Variants in TRPC4 observed in about 807,000 individuals in gnomAD.
TRPC4 encodes the protein short transient receptor potential channel 4.
Under a neutral mutation model 99.4 loss-of-function variants are expected in TRPC4, and 49 were observed. The observed-to-expected ratio is 0.49, with a 90% confidence interval of 0.39 to 0.63. The LOEUF is 0.63. Ranked by LOEUF, TRPC4 falls within the 20% of genes least tolerant of loss-of-function variation. The pLI is 0.00. For missense variants in TRPC4, 898 were observed against 1,152.9 expected, an observed-to-expected ratio of 0.78 and a Z score of 3.20; for synonymous variants, 454 against 425.9, an observed-to-expected ratio of 1.07 and a Z score of -0.81.
intron 2 of TRPC4, among the ~76,000 whole-genome samples, chr13:37,767,135 C>T (rs1184757264): frequency 6.6e-6 from 1 of 151,156 alleles, no homozygotes; most frequent in African/African-American, 2.4e-5. Context: ...TTTAAACTGC[C>T]AGTGTATTTA....
chr13:37,639,405 G>A, intron 8 of TRPC4, 106 bp from the exon 9 acceptor site: 2 of 1,266,044 alleles, frequency 1.6e-6, no homozygotes, highest in South Asian at 1.5e-5. Flanking sequence ...TTTCTTCAAA[G>A]TGGGAGTTTT....
intron 2 of TRPC4, among the ~76,000 whole-genome samples, chr13:37,751,233 C>A (rs1222348261): frequency 5.3e-5 from 8 of 152,106 alleles, no homozygotes; most frequent in African/African-American, 1.9e-4. Flanking sequence ...TCCGGAGCTC[C>A]TGTTTACAGT....
chr13:37,798,587 T>C (rs1957314607), intron 1 of TRPC4, among the ~76,000 whole-genome samples: 2 of 152,288 alleles, frequency 1.3e-5, no homozygotes, highest in East Asian at 1.9e-4. Context: ...TGATGGAACA[T>C]TTAGATGAAA....
chr13:37,821,214 A>ACT (rs1288151860), intron 1 of TRPC4, among the ~76,000 whole-genome samples: 2 of 151,510 alleles, frequency 1.3e-5, no homozygotes, highest in Admixed American at 1.3e-4. Context: ...ACACACACAC[A>ACT]CACACACACA....
chr13:37,794,507 G>C (rs1037512265), intron 1 of TRPC4, among the ~76,000 whole-genome samples: 1 of 152,016 alleles, frequency 6.6e-6, no homozygotes, highest in Non-Finnish European at 1.5e-5. Context: ...CCCTGTTACC[G>C]GCAGTATTCA....
Position 37,636,733 on chromosome 13 carries a change from G to A in TRPC4, c.*170C>T. 1.2e-6 allele frequency: 1 copy of A among 843,610 alleles called. No individual in the cohort carries two copies. The highest frequency in any genetic ancestry group is 1.7e-6 in the Non-Finnish European group (1 of 605,074). The allele number at this position is 843,610 out of a possible 1,614,324, so 52.3% of individuals were successfully genotyped here. A position where few individuals can be genotyped will look rare whatever the true frequency, so the allele number is the denominator to read the frequency against. The stretch of plus-strand genomic sequence containing the variant: ...GCAAAAGCAGGCTACAAAACAAAAA[G>A]GTTTTTGATTGCCTTTGCCTTATTT... On this transcript the variant is annotated 3_prime_UTR_variant, in exon 11 of 11. Coordinates refer to ENST00000379705, the MANE Select transcript of TRPC4 (RefSeq NM_016179.4).
intron 1 of TRPC4, among the ~76,000 whole-genome samples, chr13:37,865,949 G>A (rs1185802886): frequency 1.3e-5 from 2 of 151,696 alleles, no homozygotes; most frequent in African/African-American, 2.4e-5. Context: ...ATAGTGCCAA[G>A]TGTACATTAA....
In TRPC4 at chr13:37,697,059, TG is replaced by T. The variant is rs1251038386; in HGVS notation, c.898-4725del. ...CATTAAACAATTCTTCTGGCCCCTC[TG>T]AGCATAGTCATATCACATGATTAAT... On this transcript the variant is annotated intron_variant, in intron 3 of 10. Coordinates refer to ENST00000379705, the MANE Select transcript of TRPC4 (RefSeq NM_016179.4). 2.0e-5 allele frequency among the ~76,000 whole-genome samples: 3 copies of T among 152,244 alleles called. No individual in the cohort carries two copies. In the East Asian group the frequency reaches 5.8e-4, roughly 29 times the overall value.
intron 2 of TRPC4, among the ~76,000 whole-genome samples, chr13:37,772,893 A>G (rs1167894481): frequency 6.6e-6 from 1 of 151,556 alleles, no homozygotes; most frequent in Non-Finnish European, 1.5e-5. Flanking sequence ...TTGACATTAA[A>G]TCTCCTACAC....
intron 2 of TRPC4, among the ~76,000 whole-genome samples, chr13:37,765,873 G>GT (rs981159409): frequency 6.6e-6 from 1 of 151,134 alleles, no homozygotes; most frequent in East Asian, 2.0e-4. Flanking sequence ...TATATTTGAT[G>GT]TTTTTTTAAA....
At chr13:37,743,026 C>A (rs1955637898) in intron 3 of TRPC4, among the ~76,000 whole-genome samples, 1 of 152,020 alleles carries the variant, frequency 6.6e-6, no homozygotes, top group Non-Finnish European at 1.5e-5. Context: ...TCCAGAACAA[C>A]TCTGTAAGAA....
chr13:37,811,754 A>G (rs1957694308), intron 1 of TRPC4, among the ~76,000 whole-genome samples: 1 of 152,168 alleles, frequency 6.6e-6, no homozygotes, highest in African/African-American at 2.4e-5. Flanking sequence ...CCAAAACGGA[A>G]AAACCAAATA....
chr13:37,827,653 G>A (rs1958276124), intron 1 of TRPC4, among the ~76,000 whole-genome samples: 1 of 152,124 alleles, frequency 6.6e-6, no homozygotes, highest in East Asian at 1.9e-4. Context: ...CTGCGTACTG[G>A]GAGAACCACT....
chr13:37,678,506 C>T (rs548325065), intron 4 of TRPC4, among the ~76,000 whole-genome samples: 1 of 152,078 alleles, frequency 6.6e-6, no homozygotes, highest in African/African-American at 2.4e-5. Flanking sequence ...CATTTCACAA[C>T]TTAAATGAGC....
At chr13:37,780,045 C>G (rs116899562) in intron 2 of TRPC4, among the ~76,000 whole-genome samples, 1 of 151,910 alleles carries the variant, frequency 6.6e-6, no homozygotes, top group South Asian at 2.1e-4. Context: ...TTAGGACTCT[C>G]GAGAAAAGGA....
chr13:37,838,337 A>G (rs1173483780), intron 1 of TRPC4, among the ~76,000 whole-genome samples: 2 of 152,162 alleles, frequency 1.3e-5, no homozygotes, highest in African/African-American at 4.8e-5. Flanking sequence ...CCTCTCACCC[A>G]CTAATCCAAC....
At chr13:37,833,714 A>G (rs1447905789) in intron 1 of TRPC4, among the ~76,000 whole-genome samples, 1 of 151,710 alleles carries the variant, frequency 6.6e-6, no homozygotes, top group Non-Finnish European at 1.5e-5. Flanking sequence ...ATTTAGCTGG[A>G]CTCTTAGGAG....
intron 1 of TRPC4, among the ~76,000 whole-genome samples, chr13:37,791,045 A>G (rs890847826): frequency 1.3e-5 from 2 of 152,088 alleles, no homozygotes; most frequent in Admixed American, 1.3e-4. Context: ...ATATGACCTC[A>G]GTTTTTTACT....
chr13:37,739,551 G>A (rs908837586), intron 3 of TRPC4, among the ~76,000 whole-genome samples: 1 of 149,644 alleles, frequency 6.7e-6, no homozygotes, highest in African/African-American at 2.5e-5. Context: ...TGTTGCCCAG[G>A]CTGGAGTACA....
Sources: gnomAD v4.1 joint callset for allele counts (sites outside exome capture counted in the v4.1 genomes callset) on GRCh38, gnomAD v4.1.1 for gene constraint, MANE v1.5 for transcripts, NCBI Gene and HGNC (gene_info 2026-07-23, HGNC 2026-07-21) for gene names.